FURIN: variants seen among roughly 807,000 people sequenced by gnomAD.
The protein encoded by FURIN is FES upstream region.
A neutral mutation model predicts 89.2 loss-of-function variants in FURIN; 18 were observed. The ratio of observed to expected loss-of-function variants is 0.20; its 90% CI spans 0.14 to 0.30. The LOEUF (loss-of-function observed/expected upper bound fraction) is 0.30, where lower values mean the gene tolerates loss of function less well. FURIN is among the 10% of genes least tolerant of loss of function. The pLI, the probability that FURIN is intolerant of heterozygous loss-of-function variation, is 1.00. For missense variants in FURIN, 879 were observed against 1,100.5 expected (o/e 0.80, Z 2.85); for synonymous variants, 508 against 466.4 (o/e 1.09, Z -1.15).
Position 90,883,338 on chromosome 15 carries a change from G to T in FURIN, c.*1460G>T. 1 of 153,186 alleles carries T rather than the reference G, an allele frequency of 6.5e-6. No homozygotes were observed. The allele number at this position is 153,186 out of a possible 1,614,324, so 9.5% of individuals were successfully genotyped here. Reference sequence around the variant, plus strand: ...GGCTGGTTTTGTAAGATGCTGGGTTGGTGCACAGTGATTTTTTTCTTGTAA... The same window carrying T: ...GGCTGGTTTTGTAAGATGCTGGGTTTGTGCACAGTGATTTTTTTCTTGTAA... On this transcript the variant is annotated 3_prime_UTR_variant, in exon 16 of 16. Transcript: ENST00000268171.
At chr15:90,880,402 G>A (rs931724455) in intron 13 of FURIN, 129 bp downstream of exon 13, 1 of 787,294 alleles carries the variant, frequency 1.3e-6, no homozygotes, top group Middle Eastern at 3.9e-4. Context: ...TGGCATTTTG[G>A]GAGGGACAAT....
chr15:90,878,364 C>T, intron 8 of FURIN, 60 bp downstream of exon 8: 1 of 1,370,036 alleles, frequency 7.3e-7, no homozygotes, highest in Non-Finnish European at 9.8e-7. Flanking sequence ...CCGTACCTAT[C>T]TTGTGTTTTT....
rs1008601030 is a variant in FURIN, at chr15:90,881,153, G to A, written c.1792+113G>A. Reference sequence around the variant, plus strand: ...AGTCTCAAGAGACCTAGGGCCCCTGGGGCTCTTGGGATGACCACAGTCCTG... The same window carrying A: ...AGTCTCAAGAGACCTAGGGCCCCTGAGGCTCTTGGGATGACCACAGTCCTG... On this transcript the variant is annotated intron_variant, in intron 15 of 15. Transcript: ENST00000268171. This position sits in a 1 kb window ranked among gnomAD's most constrained non-coding sequence, Gnocchi z 4.3. The A allele has an allele frequency of 4.0e-5, 44 of 1,094,704 alleles. No individual in the cohort carries two copies. The highest frequency in any genetic ancestry group is 1.2e-4 in the South Asian group (9 of 72,686). The allele number at this position is 1,094,704 out of a possible 1,614,324, so 67.8% of individuals were successfully genotyped here. A position where few individuals can be genotyped will look rare whatever the true frequency, so the allele number is the denominator to read the frequency against.
Position 90,880,124 on chromosome 15 carries a change from G to A in FURIN, c.1407G>A (p.Lys469=). The A allele has an allele frequency of 6.2e-7, 1 of 1,608,570 alleles. No individual in the cohort carries two copies. The highest frequency in any genetic ancestry group is 8.5e-7 in the Non-Finnish European group (1 of 1,176,760). ...TCGGGAAACGGCTCGAGGTGCGGAAGACCGTGACCGCGTGCCTGGGCGAGC... is the reference window on the plus strand; with the variant it reads ...TCGGGAAACGGCTCGAGGTGCGGAAAACCGTGACCGCGTGCCTGGGCGAGC... The part of the protein sequence containing the change: ...KDIGKRLEVR[K]TVTACLGEPN... Residue 469 remains lysine (K), a synonymous_variant, in exon 13 of 16, where the codon AAG becomes AAA. Coordinates refer to ENST00000268171, the MANE Select transcript of FURIN (RefSeq NM_002569.4).
chr15:90,878,644 CAG>C (rs1259476617), intron 8 of FURIN, 118 bp from the exon 9 acceptor site: 3 of 633,770 alleles, frequency 4.7e-6, no homozygotes, highest in Non-Finnish European at 8.3e-6. Flanking sequence ...AGGGATCTCA[CAG>C]GGGACAGGAG....
Position 90,878,214 on chromosome 15 carries a change from C to T in FURIN, c.750C>T (p.Tyr250=). 1.2e-6 allele frequency: 2 copies of T among 1,613,918 alleles called. No homozygotes were observed. The highest frequency in any genetic ancestry group is 2.2e-5 in the East Asian group (1 of 44,886). ...TGAACCCCAACCACATCCACATCTA[C>T]AGTGCCAGCTGGGGCCCCGAGGATG... ...LGLNPNHIHI[Y]SASWGPEDDG... Residue 250 remains tyrosine (Y), a synonymous_variant, in exon 8 of 16, where the codon TAC becomes TAT. Transcript: ENST00000268171.
chr15:90,870,849 G>C (rs2151217917), intron 1 of FURIN, among the ~76,000 whole-genome samples: 1 of 152,202 alleles, frequency 6.6e-6, no homozygotes, highest in South Asian at 2.1e-4. Flanking sequence ...CTGTAAAATG[G>C]GATTAATAAT....
In FURIN at chr15:90,880,206, C is replaced by A. The variant is rs267604384; in HGVS notation, c.1489C>A (p.Arg497Ser). The change falls in exon 13 of 16, where the codon CGC (arginine) becomes AGC (serine). Residue 497 changes from arginine to serine, a missense_variant. Transcript: ENST00000268171. ...AQARLTLSYN[R>S]RGDLAIHLVS... Reference sequence around the variant, plus strand: ...GGCGCGGCTCACCCTGTCCTATAATCGCCGTGGCGACCTGGCCATCCACCT... The same window carrying A: ...GGCGCGGCTCACCCTGTCCTATAATAGCCGTGGCGACCTGGCCATCCACCT... 1 of 1,612,596 alleles carries A rather than the reference C, an allele frequency of 6.2e-7. No individual in the cohort carries two copies. The highest frequency in any genetic ancestry group is 8.5e-7 in the Non-Finnish European group (1 of 1,179,656).
intron 9 of FURIN, 45 bp downstream of exon 9, chr15:90,879,021 G>A (rs908515116): frequency 1.6e-6 from 2 of 1,279,206 alleles, no homozygotes; most frequent in South Asian, 1.3e-5. Flanking sequence ...GGGGCTGCTG[G>A]CTGGCTCTGT....
At position 90,877,510 on chromosome 15, in the gene FURIN, G is replaced by A. The variant is rs751201243; in HGVS notation, c.579-17G>A. The A allele has an allele frequency of 4.8e-5, 75 of 1,555,020 alleles. 2 individuals are homozygous for A. In the South Asian group the frequency reaches 6.9e-4, roughly 14 times the overall value. ...ACCCCATTTGTTCTACTCATGCTAC[G>A]TGCTTGGCCCTGGCAGGCACGGCAC... On this transcript the variant is annotated splice_polypyrimidine_tract_variant and intron_variant, in intron 6 of 15. Coordinates refer to ENST00000268171, the MANE Select transcript of FURIN (RefSeq NM_002569.4).
intron 8 of FURIN, among the ~76,000 whole-genome samples, chr15:90,878,526 C>G (rs985471114): frequency 6.6e-6 from 1 of 152,188 alleles, no homozygotes; most frequent in Non-Finnish European, 1.5e-5. Context: ...GCTGTGTTAC[C>G]CAGGCTGGTC....
At position 90,880,990 on chromosome 15, in the gene FURIN, C is replaced by A; in HGVS notation, c.1742C>A (p.Pro581His). The part of the protein sequence containing the change: ...YGTAPEGLPV[P>H]PESSGCKTLT... ...ACCGCCCCTGAGGGGCTGCCCGTACCTCCAGAAAGCAGTGGCTGCAAGACC... is the reference window on the plus strand; with the variant it reads ...ACCGCCCCTGAGGGGCTGCCCGTACATCCAGAAAGCAGTGGCTGCAAGACC... The change falls in exon 15 of 16, where the codon CCT becomes CAT. Residue 581 changes from proline (P) to histidine (H), a missense_variant. Physicochemically the swap from Pro to His is moderately conservative, Grantham distance 77. Transcript: ENST00000268171. 1.2e-6 allele frequency: 2 copies of A among 1,614,130 alleles called. No homozygotes were observed. The highest frequency in any genetic ancestry group is 2.2e-5 in the East Asian group (1 of 44,884).
In FURIN at chr15:90,881,975, G is replaced by C; in HGVS notation, c.*97G>C. The C allele has an allele frequency of 2.2e-6, 2 of 900,562 alleles. No individual in the cohort carries two copies. The allele number at this position is 900,562 out of a possible 1,614,324, so 55.8% of individuals were successfully genotyped here. ...ATCTTGGGACTGGGTTTGGACCCCA[G>C]CTGGGAGGCAAGAGGGGTGGAGACT... On this transcript the variant is annotated 3_prime_UTR_variant, in exon 16 of 16. Coordinates refer to ENST00000268171, the MANE Select transcript of FURIN (RefSeq NM_002569.4). The surrounding 1 kb of genome is among the most constrained non-coding windows in gnomAD (Gnocchi z 4.3).
At chr15:90,878,407 T>C (rs2031755839) in intron 8 of FURIN, 103 bp downstream of exon 8, 2 of 971,004 alleles carry the variant, frequency 2.1e-6, no homozygotes, top group South Asian at 3.4e-5. Context: ...TGTTTAACTT[T>C]ACACAAAGCA....
At chr15:90,872,077 G>C (rs1049503517) in intron 1 of FURIN, among the ~76,000 whole-genome samples, 1 of 151,334 alleles carries the variant, frequency 6.6e-6, no homozygotes, top group South Asian at 2.1e-4. Flanking sequence ...CGCCCACTCC[G>C]CGGCCGAGGA....
intron 9 of FURIN, 31 bp downstream of exon 9, chr15:90,879,007 A>C: frequency 1.5e-6 from 2 of 1,365,384 alleles, no homozygotes; most frequent in Non-Finnish European, 2.0e-6. Flanking sequence ...GGGGCTGGGG[A>C]GATGGGGCTG....
rs2032114753 is a variant in FURIN at position 90,883,149 on chromosome 15, A to T, written c.*1271A>T. ...GCACTGACCTGTCATGCCCCCCTCA[A>T]ACCTCCTCTTCTGACGTGCCTTTTG... On this transcript the variant is annotated 3_prime_UTR_variant, in exon 16 of 16. Transcript: ENST00000268171. 1 of 152,578 alleles carries T rather than the reference A, an allele frequency of 6.6e-6. No homozygotes were observed. Among genetic ancestry groups the T allele is most frequent in the South Asian group, 2.1e-4 (1 of 4,826 alleles). 9.5% of individuals were successfully genotyped at this position (152,578 alleles called of 1,614,324 possible). A position where few individuals can be genotyped will look rare whatever the true frequency, so the allele number is the denominator to read the frequency against.
In FURIN at chr15:90,878,119, C is replaced by A. The variant is rs374944389; in HGVS notation, c.668-13C>A. Reference sequence around the variant, plus strand: ...ATGCAGCATCCCTCTTCGTGCCCCCCCTTCACGGCCAGGGGTGCGCATGCT... The same window carrying A: ...ATGCAGCATCCCTCTTCGTGCCCCCACTTCACGGCCAGGGGTGCGCATGCT... On this transcript the variant is annotated splice_polypyrimidine_tract_variant and intron_variant, in intron 7 of 15. Transcript: ENST00000268171. 34 of 1,613,384 alleles carry A rather than the reference C, an allele frequency of 2.1e-5. No homozygotes were observed. The highest frequency in any genetic ancestry group is 2.0e-4 in the South Asian group (18 of 91,082).
In FURIN at chr15:90,869,319, G is replaced by A. The variant is rs1387473622; in HGVS notation, c.-160+608G>A. Among the ~76,000 whole-genome samples, 3 of 152,100 alleles carry A rather than the reference G, an allele frequency of 2.0e-5. No homozygotes were observed. The East Asian group carries it at 5.8e-4, about 29-fold the overall frequency. ...CCAGGTCAGGAGACCTGGGCTCCAGGGCCAGTTGAGAGTGATAAAGAGAAC... is the reference window on the plus strand; with the variant it reads ...CCAGGTCAGGAGACCTGGGCTCCAGAGCCAGTTGAGAGTGATAAAGAGAAC... On this transcript the variant is annotated intron_variant, in intron 1 of 15. Transcript: ENST00000268171.
Sources: allele counts gnomAD v4.1 joint callset (sites outside exome capture counted in the v4.1 genomes callset), GRCh38; gene constraint gnomAD v4.1.1; non-coding constraint Gnocchi (gnomAD v3.1); transcripts MANE v1.5; gene names NCBI Gene and HGNC (gene_info 2026-07-23, HGNC 2026-07-21).